KLHL5: variants seen among roughly 807,000 people sequenced by gnomAD.
The protein encoded by KLHL5 is kelch-like protein 5.
A neutral mutation model predicts 77.7 loss-of-function variants in KLHL5; 48 were observed. That is an observed-to-expected ratio of 0.62 (90% confidence interval 0.49 to 0.79). KLHL5 has a LOEUF of 0.79. Ranked by LOEUF, KLHL5 falls within the 30% of genes least tolerant of loss-of-function variation. The pLI is 0.00. For missense variants in KLHL5, 723 were observed against 859.7 expected (o/e 0.84, Z 1.99); for synonymous variants, 260 against 297.0 (o/e 0.88, Z 1.28).
intron 5 of KLHL5, among the ~76,000 whole-genome samples, chr4:39,092,760 A>C (rs144869717): frequency 2.2e-4 from 33 of 152,312 alleles, no homozygotes; most frequent in African/African-American, 7.9e-4. Flanking sequence ...CGTCTATAAA[A>C]ACATGAACAT....
upstream of KLHL5, chr4:39,062,231 T>C (rs765572818): frequency 2.8e-4 from 344 of 1,225,820 alleles, no homozygotes; most frequent in Non-Finnish European, 3.3e-4. Context: ...GAGACTGAGA[T>C]ACTGCAACGG....
intron 1 of KLHL5, among the ~76,000 whole-genome samples, chr4:39,075,349 A>AAAG (rs1259033327): frequency 6.8e-6 from 1 of 147,722 alleles, no homozygotes; most frequent in African/African-American, 2.5e-5. Context: ...AAAAAAAAAA[A>AAAG]GAAAGAAATC....
At chr4:39,104,261 A>G (rs920776481) in intron 7 of KLHL5, among the ~76,000 whole-genome samples, 1 of 152,190 alleles carries the variant, frequency 6.6e-6, no homozygotes, top group African/African-American at 2.4e-5. Context: ...AGGCAAAGAC[A>G]CAGAGAAGGA....
At chr4:39,105,146 C>T (rs932588200) in intron 7 of KLHL5, among the ~76,000 whole-genome samples, 2 of 130,726 alleles carry the variant, frequency 1.5e-5, no homozygotes, top group Admixed American at 8.8e-5. Flanking sequence ...AGGAGTTCTG[C>T]TAAATTTTTT....
At chr4:39,111,319 G>A (rs940278989) in intron 8 of KLHL5, among the ~76,000 whole-genome samples, 3 of 152,172 alleles carry the variant, frequency 2.0e-5, no homozygotes, top group African/African-American at 4.8e-5. Context: ...AATTCAGTTG[G>A]AGGTTAAATA....
upstream of KLHL5, among the ~76,000 whole-genome samples, chr4:39,059,662 T>G (rs1717250914): frequency 6.6e-6 from 1 of 152,036 alleles, no homozygotes; most frequent in Admixed American, 6.6e-5. Context: ...GCAGGAGAAT[T>G]GCTTGAACCT....
At chr4:39,139,905 A>G in the KLHL5 span, among the ~76,000 whole-genome samples, 1 of 152,274 alleles carries the variant, frequency 6.6e-6, no homozygotes, top group South Asian at 2.1e-4. Flanking sequence ...CTGAGGAAAG[A>G]CTGAGTAACT....
intron 5 of KLHL5, among the ~76,000 whole-genome samples, chr4:39,087,832 G>A (rs1050880367): frequency 8.5e-5 from 13 of 152,200 alleles, no homozygotes; most frequent in African/African-American, 2.9e-4. Context: ...TGTCACAAAT[G>A]TTCTCATATT....
At chr4:39,136,170 A>T in the KLHL5 span, among the ~76,000 whole-genome samples, 8 of 150,004 alleles carry the variant, frequency 5.3e-5, no homozygotes, top group East Asian at 3.9e-4. Context: ...AATAATAATA[A>T]TTTTTTTTTT....
downstream of KLHL5, among the ~76,000 whole-genome samples, chr4:39,130,107 C>CA (rs1175345266): frequency 6.6e-6 from 1 of 152,140 alleles, no homozygotes; most frequent in Non-Finnish European, 1.5e-5. Context: ...GACATATACG[C>CA]AGAAATATAG....
chr4:39,139,314 C>T, the KLHL5 span, among the ~76,000 whole-genome samples: 60 of 150,772 alleles, frequency 4.0e-4, no homozygotes, highest in Admixed American at 6.6e-4. Flanking sequence ...AGCCCATCAT[C>T]AATACTGGGA....
rs564298293 is a variant in KLHL5, at chr4:39,090,141, G to A, written c.1113+3414G>A. 4.6e-5 allele frequency among the ~76,000 whole-genome samples: 7 copies of A among 152,188 alleles called. 1 individual carries two copies. In the South Asian group the frequency reaches 1.5e-3, roughly 32 times the overall value. The stretch of plus-strand genomic sequence containing the variant: ...CGGTATGTTTTATTTTAAAAGGTAG[G>A]AAAATATAACAATCATTAAATTGCC... On this transcript the variant is annotated intron_variant, in intron 5 of 10. Transcript: ENST00000504108.
At chr4:39,079,606 C>CGGTA (rs1719422206) in intron 2 of KLHL5, among the ~76,000 whole-genome samples, 1 of 152,156 alleles carries the variant, frequency 6.6e-6, no homozygotes, top group Non-Finnish European at 1.5e-5. Flanking sequence ...TTAAACTTAC[C>CGGTA]ACCCTTTCCC....
At chr4:39,086,291 G>A (rs949396701) in intron 4 of KLHL5, among the ~76,000 whole-genome samples, 1 of 152,148 alleles carries the variant, frequency 6.6e-6, no homozygotes, top group Admixed American at 6.5e-5. Flanking sequence ...AATGTAATAA[G>A]TGATACAACA....
intron 6 of KLHL5, among the ~76,000 whole-genome samples, chr4:39,100,140 T>C (rs1721415893): frequency 6.6e-6 from 1 of 152,200 alleles, no homozygotes; most frequent in Non-Finnish European, 1.5e-5. Context: ...AAACTTGCCT[T>C]GGTACATGGC....
chr4:39,082,710 T>A (rs1449857687), intron 4 of KLHL5, among the ~76,000 whole-genome samples: 1 of 152,160 alleles, frequency 6.6e-6, no homozygotes, highest in Admixed American at 6.5e-5. Context: ...AACGAAATAA[T>A]CTGTACAACA....
intron 1 of KLHL5, among the ~76,000 whole-genome samples, chr4:39,051,258 C>T (rs1240642183): frequency 3.9e-5 from 6 of 151,994 alleles, no homozygotes; most frequent in African/African-American, 9.7e-5. Flanking sequence ...TTTCAAACTA[C>T]GCGATAATCT....
chr4:39,085,940 T>C (rs1719999686), intron 4 of KLHL5, among the ~76,000 whole-genome samples: 1 of 152,174 alleles, frequency 6.6e-6, no homozygotes, highest in South Asian at 2.1e-4. Flanking sequence ...AAAACGATCT[T>C]GAAGACCGAT....
chr4:39,081,175 A>G lies in KLHL5; in HGVS notation c.639A>G (p.Glu213=). 1 of 1,613,332 alleles carries G rather than the reference A, an allele frequency of 6.2e-7. No individual in the cohort carries two copies. The highest frequency in any genetic ancestry group is 1.1e-5 in the South Asian group (1 of 90,944). The change falls in exon 3 of 11, where the codon GAA becomes GAG. Residue 213 remains glutamate, a synonymous_variant. Coordinates refer to ENST00000504108, the MANE Select transcript of KLHL5 (RefSeq NM_015990.5). This position sits in a 1 kb window ranked among gnomAD's most constrained non-coding sequence, Gnocchi z 4.3. ...ATGATGTCAGAGAGGCAAGACAAGA[A>G]GAAATAAAAATGGAAGGTGTAGAAC... ...FTNDVREARQ[E]EIKMEGVEPN... is the part of the protein sequence containing the mutation.
Sources: allele counts gnomAD v4.1 joint callset (sites outside exome capture counted in the v4.1 genomes callset), GRCh38; gene constraint gnomAD v4.1.1; non-coding constraint Gnocchi (gnomAD v3.1); transcripts MANE v1.5; gene names NCBI Gene and HGNC (gene_info 2026-07-23, HGNC 2026-07-21).